DNAI7: variants seen among roughly 807,000 people sequenced by gnomAD.
The protein encoded by DNAI7 is cancer susceptibility 1.
Under a neutral mutation model 86.6 loss-of-function variants are expected in DNAI7, and 78 were observed. The observed-to-expected ratio is 0.90, with a 90% CI of 0.75 to 1.09. The LOEUF (loss-of-function observed/expected upper bound fraction) is 1.09, where lower values mean the gene tolerates loss of function less well. Ranked by LOEUF, DNAI7 falls within the 50% of genes least tolerant of loss-of-function variation. The pLI, the probability that DNAI7 is intolerant of heterozygous loss-of-function variation, is 0.00. For missense variants in DNAI7, 753 were observed against 810.2 expected (o/e 0.93, Z 0.86); for synonymous variants, 274 against 273.0 (o/e 1.00, Z -0.04).
chr12:25,174,025 CAT>C (rs1355125853), intron 2 of DNAI7, among the ~76,000 whole-genome samples: 80 of 148,090 alleles, frequency 5.4e-4, no homozygotes, highest in Middle Eastern at 3.6e-3. Flanking sequence ...ATACATATCT[CAT>C]ATATTTATGG....
intron 13 of DNAI7, among the ~76,000 whole-genome samples, chr12:25,113,853 C>T (rs886530069): frequency 6.6e-6 from 1 of 151,924 alleles, no homozygotes; most frequent in African/African-American, 2.4e-5. Context: ...CAGTTAATCC[C>T]CACCCACTCT....
intron 15 of DNAI7, among the ~76,000 whole-genome samples, chr12:25,109,869 G>A (rs1402342921): frequency 6.6e-6 from 1 of 151,782 alleles, no homozygotes; most frequent in East Asian, 1.9e-4. Flanking sequence ...GTAGAAACGG[G>A]GTTTCACCAT....
intron 10 of DNAI7, 80 bp downstream of exon 10, chr12:25,123,131 T>C (rs1366001675): frequency 1.0e-6 from 1 of 956,840 alleles, no homozygotes; most frequent in Non-Finnish European, 1.5e-6. Flanking sequence ...TGTCTGAATT[T>C]TTTTAACAAT....
intron 2 of DNAI7, among the ~76,000 whole-genome samples, chr12:25,169,166 C>T (rs1224213169): frequency 6.6e-6 from 1 of 152,184 alleles, no homozygotes; most frequent in Non-Finnish European, 1.5e-5. Flanking sequence ...CGTACACATC[C>T]AGATGGCTGG....
chr12:25,170,991 A>G (rs1948073602), intron 2 of DNAI7, among the ~76,000 whole-genome samples: 1 of 152,200 alleles, frequency 6.6e-6, no homozygotes. Flanking sequence ...CTAACGGGAA[A>G]GTTCATAGCC....
At chr12:25,114,534 A>G (rs1565624141) in intron 13 of DNAI7, 122 bp downstream of exon 13, 2 of 633,448 alleles carry the variant, frequency 3.2e-6, no homozygotes, top group Admixed American at 2.8e-5. Context: ...TAAGGTCATT[A>G]TAAGACACTT....
chr12:25,133,352 A>G (rs568690494), intron 9 of DNAI7, among the ~76,000 whole-genome samples: 55 of 152,216 alleles, frequency 3.6e-4, no homozygotes, highest in Non-Finnish European at 4.3e-4. Flanking sequence ...CCATTAAATT[A>G]TCTCTGTCTT....
At chr12:25,117,938 CTT>C (rs776942936) in intron 12 of DNAI7, among the ~76,000 whole-genome samples, 2 of 135,026 alleles carry the variant, frequency 1.5e-5, no homozygotes, top group Admixed American at 7.8e-5. Context: ...TTTTCTTTTT[CTT>C]TTTTTTTTTT....
In DNAI7 at chr12:25,195,058, C is replaced by T; in HGVS notation, c.3+18G>A. 6.2e-7 allele frequency: 1 copy of T among 1,614,262 alleles called. No homozygotes were observed. Among genetic ancestry groups the T allele is most frequent in the Non-Finnish European group, 8.5e-7 (1 of 1,180,050 alleles). On this transcript the variant is annotated intron_variant, in intron 1 of 15. Coordinates refer to ENST00000395987, the MANE Select transcript of DNAI7 (RefSeq NM_018272.5). Reference sequence around the variant, plus strand: ...AGTGGTCGCCCCTCCACCTGTCTGCCTCATTTGCCTTGCTCACCATTAAGA... The same window carrying T: ...AGTGGTCGCCCCTCCACCTGTCTGCTTCATTTGCCTTGCTCACCATTAAGA...
chr12:25,169,847 CAAA>C (rs1173396136), intron 2 of DNAI7, among the ~76,000 whole-genome samples: 4 of 66,696 alleles, frequency 6.0e-5, no homozygotes, highest in Non-Finnish European at 1.1e-4. Context: ...GACTCTGTCT[CAAA>C]AAAAAAAAAA....
At chr12:25,129,026 C>G (rs1942516925) in intron 9 of DNAI7, among the ~76,000 whole-genome samples, 1 of 152,170 alleles carries the variant, frequency 6.6e-6, no homozygotes, top group South Asian at 2.1e-4. Flanking sequence ...TATTACATAC[C>G]ACTTTGCTTC....
intron 12 of DNAI7, among the ~76,000 whole-genome samples, chr12:25,115,684 G>A (rs977502349): frequency 1.3e-5 from 2 of 152,164 alleles, no homozygotes; most frequent in Non-Finnish European, 2.9e-5. Flanking sequence ...CAAATGTTAT[G>A]AACAAACAGA....
At position 25,141,691 on chromosome 12, in the gene DNAI7, G is replaced by A. The variant is rs148887473; in HGVS notation, c.1002+2674C>T. On this transcript the variant is annotated intron_variant, in intron 9 of 15. Transcript: ENST00000395987. ...TAAAAATACAAAAAATTAGCCAGGC[G>A]TGGTGGCACGTGCCGGCAATCCCAG... Among the ~76,000 whole-genome samples the A allele has an allele frequency of 2.8e-3, 433 of 152,256 alleles. 4 individuals carry two copies. Among genetic ancestry groups the A allele is most frequent in the African/African-American group, 0.01 (416 of 41,544 alleles).
chr12:25,122,448 CAAAAAAAAAAA>C (rs34138209), intron 10 of DNAI7, among the ~76,000 whole-genome samples: 1 of 76,718 alleles, frequency 1.3e-5, no homozygotes, highest in Non-Finnish European at 2.5e-5. Context: ...GATCTCATCT[CAAAAAAAAAAA>C]AAAAAAAAAG....
chr12:25,139,049 C>A (rs1478797742), intron 9 of DNAI7, among the ~76,000 whole-genome samples: 1 of 151,810 alleles, frequency 6.6e-6, no homozygotes, highest in South Asian at 2.1e-4. Context: ...CACAGAAATA[C>A]AAAAGATCAT....
chr12:25,168,323 G>A (rs914898771), intron 2 of DNAI7, among the ~76,000 whole-genome samples: 2 of 152,098 alleles, frequency 1.3e-5, no homozygotes, highest in South Asian at 2.1e-4. Context: ...AAATAGGACC[G>A]AAGAGCTCCC....
At chr12:25,118,926 G>A (rs1258837089) in intron 12 of DNAI7, among the ~76,000 whole-genome samples, 3 of 152,142 alleles carry the variant, frequency 2.0e-5, no homozygotes, top group Non-Finnish European at 2.9e-5. Flanking sequence ...CATAGACAAT[G>A]GCAGATACAG....
At chr12:25,115,372 C>T (rs553482469) in intron 12 of DNAI7, among the ~76,000 whole-genome samples, 30 of 152,236 alleles carry the variant, frequency 2.0e-4, no homozygotes, top group African/African-American at 6.7e-4. Flanking sequence ...ACATTTTTAT[C>T]CCCTCAGTAA....
At chr12:25,184,447 T>C (rs1949842494) in intron 2 of DNAI7, among the ~76,000 whole-genome samples, 1 of 152,218 alleles carries the variant, frequency 6.6e-6, no homozygotes, top group Non-Finnish European at 1.5e-5. Flanking sequence ...ATATCATGCA[T>C]CAGTACTTCC....
Sources: gnomAD v4.1 joint callset for allele counts (sites outside exome capture counted in the v4.1 genomes callset) on GRCh38, gnomAD v4.1.1 for gene constraint, MANE v1.5 for transcripts, NCBI Gene and HGNC (gene_info 2026-07-23, HGNC 2026-07-21) for gene names.